The following ADAMTSL1 variants were observed in gnomAD, a reference collection of about 807,000 sequenced individuals.
ADAMTSL1 encodes ADAMTS-like protein 1.
A neutral mutation model predicts 201.8 loss-of-function variants in ADAMTSL1; 126 were observed. The observed-to-expected ratio is 0.62, with a 90% CI of 0.54 to 0.72. The LOEUF (loss-of-function observed/expected upper bound fraction) is 0.72. Among genes scored for constraint, ADAMTSL1 ranks in the 30% least tolerant of loss-of-function variants. The pLI is 0.00. For synonymous variants in ADAMTSL1, 1,121 were observed against 903.4 expected, an observed-to-expected ratio of 1.24 and a Z score of -4.32; for missense variants, 2,679 against 2,277.8, an observed-to-expected ratio of 1.18 and a Z score of -3.59.
At chr9:18,823,954 C>T (rs964249761) in intron 21 of ADAMTSL1, among the ~76,000 whole-genome samples, 6 of 151,800 alleles carry the variant, frequency 4.0e-5, no homozygotes, top group African/African-American at 1.5e-4. Context: ...CATGCCACTG[C>T]ACTCCAGCCT....
At chr9:18,000,928 T>A (rs961104683) in intron 1 of ADAMTSL1, among the ~76,000 whole-genome samples, 5 of 152,042 alleles carry the variant, frequency 3.3e-5, no homozygotes, top group South Asian at 4.1e-4. Context: ...AGGAAGTGAC[T>A]GTCTGATTGG....
chr9:18,330,606 C>T (rs1371114950), intron 2 of ADAMTSL1, among the ~76,000 whole-genome samples: 1 of 152,136 alleles, frequency 6.6e-6, no homozygotes, highest in African/African-American at 2.4e-5. Context: ...AAGTGTTCCT[C>T]CCAAGCAAAT....
chr9:18,108,774 C>CT (rs944164635), intron 1 of ADAMTSL1, among the ~76,000 whole-genome samples: 7 of 150,958 alleles, frequency 4.6e-5, no homozygotes, highest in Admixed American at 2.6e-4. Flanking sequence ...AGAATTAGCT[C>CT]TTTTTTTTTC....
At chr9:18,192,871 C>G (rs767541135) in intron 2 of ADAMTSL1, among the ~76,000 whole-genome samples, 2 of 152,092 alleles carry the variant, frequency 1.3e-5, no homozygotes, top group South Asian at 4.1e-4. Context: ...TATTGAGCAG[C>G]TTATTGCAAG....
At chr9:18,499,667 C>A (rs1278701872) in intron 1 of ADAMTSL1, among the ~76,000 whole-genome samples, 1 of 152,154 alleles carries the variant, frequency 6.6e-6, no homozygotes, top group Non-Finnish European at 1.5e-5. Context: ...ATAACTTAAG[C>A]TAAATGCTGT....
chr9:18,572,897 G>C (rs1326631871), intron 3 of ADAMTSL1, among the ~76,000 whole-genome samples: 2 of 152,160 alleles, frequency 1.3e-5, no homozygotes, highest in Non-Finnish European at 2.9e-5. Context: ...TACAGCTGGA[G>C]AGTCGACGAC....
At chr9:18,536,436 AGT>A (rs1819778538) in intron 3 of ADAMTSL1, among the ~76,000 whole-genome samples, 1 of 135,556 alleles carries the variant, frequency 7.4e-6, no homozygotes, top group African/African-American at 2.7e-5. Flanking sequence ...ACATCTCCCC[AGT>A]TTCCCTTTTT....
At chr9:18,339,185 A>G (rs2132952525) in intron 2 of ADAMTSL1, among the ~76,000 whole-genome samples, 1 of 152,312 alleles carries the variant, frequency 6.6e-6, no homozygotes, top group East Asian at 1.9e-4. Flanking sequence ...ACAGAATGGG[A>G]AAAAATATTT....
chr9:18,320,961 AATAG>A (rs1368197195), intron 2 of ADAMTSL1, among the ~76,000 whole-genome samples: 1 of 152,090 alleles, frequency 6.6e-6, no homozygotes, highest in Admixed American at 6.5e-5. Context: ...ATAACAAAAT[AATAG>A]ATATAAATAT....
At chr9:18,121,310 C>A (rs1456077189) in intron 1 of ADAMTSL1, among the ~76,000 whole-genome samples, 1 of 152,104 alleles carries the variant, frequency 6.6e-6, no homozygotes, top group African/African-American at 2.4e-5. Context: ...TTTGAAGTAC[C>A]ATGACAGTTA....
intron 15 of ADAMTSL1, among the ~76,000 whole-genome samples, chr9:18,747,276 G>T (rs1187202205): frequency 6.6e-6 from 1 of 152,104 alleles, no homozygotes; most frequent in Non-Finnish European, 1.5e-5. Flanking sequence ...CCTGTAAAAT[G>T]GGGAAACTTA....
At chr9:18,299,125 C>T (rs1833598198) in intron 2 of ADAMTSL1, among the ~76,000 whole-genome samples, 1 of 152,026 alleles carries the variant, frequency 6.6e-6, no homozygotes, top group Non-Finnish European at 1.5e-5. Flanking sequence ...CCGTTGTTAT[C>T]ACCATTTTGC....
chr9:18,480,807 G>A (rs907005443), intron 1 of ADAMTSL1, among the ~76,000 whole-genome samples: 9 of 152,134 alleles, frequency 5.9e-5, no homozygotes, highest in African/African-American at 1.4e-4. Context: ...GTAGTTGGGG[G>A]TATGTGTCAG....
chr9:18,299,987 A>G (rs1833635674), intron 2 of ADAMTSL1, among the ~76,000 whole-genome samples: 1 of 152,248 alleles, frequency 6.6e-6, no homozygotes, highest in African/African-American at 2.4e-5. Flanking sequence ...AAGTGAAGAA[A>G]TAGGAACACT....
intron 2 of ADAMTSL1, among the ~76,000 whole-genome samples, chr9:18,277,132 T>C (rs1450761143): frequency 6.6e-6 from 1 of 152,262 alleles, no homozygotes; most frequent in Non-Finnish European, 1.5e-5. Context: ...TTCATCTTCT[T>C]ACATTTGAGA....
chr9:18,209,831 T>C (rs976346526), intron 2 of ADAMTSL1, among the ~76,000 whole-genome samples: 1 of 152,118 alleles, frequency 6.6e-6, no homozygotes, highest in Non-Finnish European at 1.5e-5. Flanking sequence ...GGGAATTGAG[T>C]AGTACCTATA....
intron 2 of ADAMTSL1, among the ~76,000 whole-genome samples, chr9:18,435,704 G>C (rs1819699967): frequency 6.6e-6 from 1 of 152,230 alleles, no homozygotes; most frequent in Non-Finnish European, 1.5e-5. Context: ...ACATACCCAA[G>C]ATTGAGCAGG....
intron 1 of ADAMTSL1, among the ~76,000 whole-genome samples, chr9:17,929,205 C>A (rs1341709703): frequency 6.6e-6 from 1 of 152,226 alleles, no homozygotes; most frequent in African/African-American, 2.4e-5. Flanking sequence ...TGTACCATGG[C>A]ACTTCCCTGC....
At chr9:18,740,233 G>C (rs1445920635) in intron 15 of ADAMTSL1, among the ~76,000 whole-genome samples, 1 of 152,078 alleles carries the variant, frequency 6.6e-6, no homozygotes, top group African/African-American at 2.4e-5. Flanking sequence ...CCAGCACTCA[G>C]CGGATTAGGG....
Sources: allele counts gnomAD v4.1 joint callset (sites outside exome capture counted in the v4.1 genomes callset), GRCh38; gene constraint gnomAD v4.1.1; transcripts MANE v1.5; gene names NCBI Gene and HGNC (gene_info 2026-07-23, HGNC 2026-07-21).